SLC30A8: variants seen among roughly 807,000 people sequenced by gnomAD.
The protein encoded by SLC30A8 is proton-coupled zinc antiporter SLC30A8.
In SLC30A8, 27 loss-of-function variants were observed where a neutral mutation model predicts 36.9. The observed-to-expected ratio is 0.73, with a 90% CI of 0.54 to 1.01. The LOEUF is 1.01. Among genes scored for constraint, SLC30A8 ranks in the 50% least tolerant of loss-of-function variants. SLC30A8 has a pLI of 0.00. For missense variants in SLC30A8, 439 were observed against 452.0 expected (o/e 0.97, Z 0.26); for synonymous variants, 164 against 172.4 (o/e 0.95, Z 0.38).
chr8:116,985,774 T>C (rs1815423665), intron 1 of SLC30A8, among the ~76,000 whole-genome samples: 1 of 152,214 alleles, frequency 6.6e-6, no homozygotes, highest in Non-Finnish European at 1.5e-5. Context: ...TTTTTTATTT[T>C]CTGCCTATCT....
intron 1 of SLC30A8, among the ~76,000 whole-genome samples, chr8:117,023,475 T>TC (rs1816773135): frequency 6.6e-6 from 1 of 152,196 alleles, no homozygotes; most frequent in Non-Finnish European, 1.5e-5. Flanking sequence ...CCAACCCAAA[T>TC]GTCCAACAGT....
At chr8:117,076,707 C>T (rs1207042140) in intron 2 of SLC30A8, among the ~76,000 whole-genome samples, 1 of 152,076 alleles carries the variant, frequency 6.6e-6, no homozygotes, top group East Asian at 1.9e-4. Flanking sequence ...CTTTTTTAAT[C>T]ATTACCTTAT....
intron 2 of SLC30A8, among the ~76,000 whole-genome samples, chr8:117,129,101 T>G (rs531788280): frequency 1.3e-5 from 2 of 152,134 alleles, no homozygotes; most frequent in Non-Finnish European, 2.9e-5. Flanking sequence ...GGGTGGCAAT[T>G]AGATAATCAC....
chr8:117,054,711 A>T (rs576929169), intron 2 of SLC30A8, among the ~76,000 whole-genome samples: 1 of 150,540 alleles, frequency 6.6e-6, no homozygotes, highest in South Asian at 2.1e-4. Flanking sequence ...GATATGAGGT[A>T]TTCCAGAAAA....
intron 1 of SLC30A8, among the ~76,000 whole-genome samples, chr8:116,997,231 G>A (rs983577034): frequency 1.3e-5 from 2 of 152,136 alleles, no homozygotes. Context: ...TACAAAATGA[G>A]GAACTGCACA....
At chr8:117,061,962 T>C (rs989708554) in intron 2 of SLC30A8, among the ~76,000 whole-genome samples, 1 of 152,218 alleles carries the variant, frequency 6.6e-6, no homozygotes, top group East Asian at 1.9e-4. Context: ...CAGGGTGTTA[T>C]GTTATTGAGA....
At chr8:117,052,655 T>C (rs909244388) in intron 2 of SLC30A8, among the ~76,000 whole-genome samples, 1 of 152,108 alleles carries the variant, frequency 6.6e-6, no homozygotes, top group Admixed American at 6.5e-5. Context: ...TATTATAGAG[T>C]TGTGGTTCAG....
intron 2 of SLC30A8, among the ~76,000 whole-genome samples, chr8:117,063,265 C>T (rs756519553): frequency 1.3e-5 from 2 of 152,112 alleles, no homozygotes; most frequent in African/African-American, 2.4e-5. Context: ...GTTGCTAAAT[C>T]TCTCTTTTAT....
intron 2 of SLC30A8, among the ~76,000 whole-genome samples, chr8:117,126,807 A>G (rs953337091): frequency 1.3e-5 from 2 of 152,028 alleles, no homozygotes; most frequent in Non-Finnish European, 2.9e-5. Flanking sequence ...TGTGGAAAGG[A>G]AAAACTCGAA....
At chr8:117,129,529 T>C (rs911511767) in intron 2 of SLC30A8, among the ~76,000 whole-genome samples, 2 of 152,004 alleles carry the variant, frequency 1.3e-5, no homozygotes, top group African/African-American at 4.8e-5. Context: ...GAAACTAACT[T>C]GTGACTAGGA....
chr8:116,959,070 C>T (rs898518229), intron 1 of SLC30A8, among the ~76,000 whole-genome samples: 3 of 151,852 alleles, frequency 2.0e-5, no homozygotes, highest in Admixed American at 6.6e-5. Context: ...GGGATGGTCT[C>T]GATCTCCTGA....
At chr8:116,996,252 T>C (rs1815811330) in intron 1 of SLC30A8, among the ~76,000 whole-genome samples, 2 of 152,190 alleles carry the variant, frequency 1.3e-5, no homozygotes, top group Admixed American at 6.5e-5. Context: ...TCTCTTCTTA[T>C]AGGAGGAAAC....
chr8:116,967,987 G>A (rs1226989495), intron 1 of SLC30A8, among the ~76,000 whole-genome samples: 1 of 152,170 alleles, frequency 6.6e-6, no homozygotes, highest in East Asian at 1.9e-4. Context: ...GGCTGGCTTT[G>A]CAATACTAAT....
intron 2 of SLC30A8, among the ~76,000 whole-genome samples, chr8:117,046,822 C>T (rs575639434): frequency 1.3e-5 from 2 of 152,314 alleles, no homozygotes; most frequent in Admixed American, 6.5e-5. Flanking sequence ...TTATGCCTTC[C>T]CATGACTTTA....
chr8:117,045,765 G>T (rs755953539), intron 2 of SLC30A8, among the ~76,000 whole-genome samples: 2 of 152,196 alleles, frequency 1.3e-5, no homozygotes, highest in African/African-American at 2.4e-5. Context: ...AAACATCCAT[G>T]TGACAAGCCA....
chr8:117,012,722 TATACACACACACACACAC>T (rs1003211915), intron 1 of SLC30A8, among the ~76,000 whole-genome samples: 2 of 42,442 alleles, frequency 4.7e-5, no homozygotes, highest in African/African-American at 1.7e-4. Context: ...TAGACATATG[TATACACACACACACACAC>T]ACACACACAC....
intron 2 of SLC30A8, among the ~76,000 whole-genome samples, chr8:117,110,947 A>T (rs1409498366): frequency 6.6e-6 from 1 of 152,102 alleles, no homozygotes. Context: ...ATTGTAGGCA[A>T]GTCCATGAAA....
At chr8:117,027,443 G>A (rs2130734209) in intron 1 of SLC30A8, among the ~76,000 whole-genome samples, 1 of 152,240 alleles carries the variant, frequency 6.6e-6, no homozygotes, top group East Asian at 1.9e-4. Context: ...CAATATGTCA[G>A]GAAAACCCAG....
intron 1 of SLC30A8, among the ~76,000 whole-genome samples, chr8:117,144,053 A>G (rs921506955): frequency 6.6e-6 from 1 of 152,138 alleles, no homozygotes; most frequent in Non-Finnish European, 1.5e-5. Flanking sequence ...ACAGCATACC[A>G]GGCAGTTCCA....
Sources: allele counts gnomAD v4.1 joint callset (sites outside exome capture counted in the v4.1 genomes callset), GRCh38; gene constraint gnomAD v4.1.1; transcripts MANE v1.5; gene names NCBI Gene and HGNC (gene_info 2026-07-23, HGNC 2026-07-21).